INTS1: variants seen among roughly 807,000 people sequenced by gnomAD.
The protein encoded by INTS1 is integrator complex subunit 1.
INTS1 carries 137 observed loss-of-function variants against 241.6 expected under a neutral mutation model. That is an observed-to-expected ratio of 0.57 (90% CI 0.49 to 0.65). The LOEUF (loss-of-function observed/expected upper bound fraction) is 0.65. INTS1 is among the 30% of genes least tolerant of loss of function. INTS1 has a pLI of 0.00. For synonymous variants in INTS1, 1,692 were observed against 1,337.8 expected (o/e 1.26, Z -5.78); for missense variants, 3,073 against 3,032.2 (o/e 1.01, Z -0.32).
At chr7:1,474,386 A>G (rs1197313487) in intron 40 of INTS1, 26 bp from the exon 41 acceptor site, 2 of 1,555,324 alleles carry the variant, frequency 1.3e-6, no homozygotes, top group Non-Finnish European at 8.7e-7. Flanking sequence ...GGGCCCAGTC[A>G]GCCCCGGCCG....
intron 40 of INTS1, 25 bp downstream of exon 40, chr7:1,474,680 G>T: frequency 6.5e-7 from 1 of 1,548,940 alleles, no homozygotes; most frequent in Non-Finnish European, 8.7e-7. Context: ...AGTGTCTGGC[G>T]AGGGCAGGGC....
At position 1,484,099 on chromosome 7, in the gene INTS1, G is replaced by C; in HGVS notation, c.3333C>G (p.Ala1111=). ...SHLFSKLSPS[A]ASDAVLSALL... ...GAGCGCTCAGCACGGCGTCCGACGC[G>C]GCACTCGGGGAGAGCTTCGAGAAGA... Residue 1111 remains alanine, a synonymous_variant, in exon 25 of 48, where the codon GCC becomes GCG. Coordinates refer to ENST00000404767, the MANE Select transcript of INTS1 (RefSeq NM_001080453.3). 1 of 1,612,488 alleles carries C rather than the reference G, an allele frequency of 6.2e-7. No homozygotes were observed. The highest frequency in any genetic ancestry group is 8.5e-7 in the Non-Finnish European group (1 of 1,179,768).
At chr7:1,475,871 T>G in intron 39 of INTS1, 77 bp downstream of exon 39, 1 of 1,491,776 alleles carries the variant, frequency 6.7e-7, no homozygotes, top group South Asian at 1.2e-5. Context: ...CCATGTACAC[T>G]GTGGCCTCCG....
intron 26 of INTS1, chr7:1,483,388 G>C (rs1381609203): frequency 1.3e-5 from 5 of 377,038 alleles, no homozygotes; most frequent in African/African-American, 1.0e-4. Flanking sequence ...GCCTCATGTC[G>C]CACCTCCACA....
chr7:1,477,472 C>T (rs1781776789), intron 35 of INTS1, 78 bp downstream of exon 35: 1 of 1,438,378 alleles, frequency 7.0e-7, no homozygotes, highest in Admixed American at 2.9e-5. Context: ...CTCGCCCAGG[C>T]CAAGGCTGCT....
intron 11 of INTS1, among the ~76,000 whole-genome samples, chr7:1,496,604 G>A (rs1782872235): frequency 6.6e-6 from 1 of 152,140 alleles, no homozygotes. Context: ...TGGGAGAGGG[G>A]CCTGACAGGA....
intron 14 of INTS1, 165 bp downstream of exon 14, chr7:1,494,651 G>A (rs1488262970): frequency 3.2e-5 from 22 of 693,686 alleles, no homozygotes; most frequent in Non-Finnish European, 5.0e-5. Flanking sequence ...CAGCATGGGA[G>A]TGGGAGAAGG....
chr7:1,502,881 G>T lies in INTS1; in HGVS notation c.349+20C>A, dbSNP rs200462447. ...CATGAGCTGAGGGGTGTTCTCGGGG[G>T]ATGTCCACAGACTCATTACCTTCAA... On this transcript the variant is annotated intron_variant, in intron 3 of 47. Transcript: ENST00000404767. 1.9e-6 allele frequency: 3 copies of T among 1,612,974 alleles called. No individual in the cohort carries two copies. The highest frequency in any genetic ancestry group is 2.5e-6 in the Non-Finnish European group (3 of 1,179,354).
chr7:1,479,790 T>C (rs1781908037), intron 30 of INTS1, 106 bp from the exon 31 acceptor site: 1 of 1,235,318 alleles, frequency 8.1e-7, no homozygotes, highest in Non-Finnish European at 1.1e-6. Flanking sequence ...CCGCGTCCCA[T>C]CGTGTCCCTG....
intron 19 of INTS1, 49 bp from the exon 20 acceptor site, chr7:1,487,498 C>A: frequency 3.2e-6 from 5 of 1,578,332 alleles, no homozygotes; most frequent in Non-Finnish European, 4.3e-6. Flanking sequence ...GAGCGGATCA[C>A]CCCCAGAACC....
chr7:1,476,640 G>A lies in INTS1; in HGVS notation c.5081C>T (p.Ser1694Phe), dbSNP rs765862404. 4.3e-6 allele frequency: 7 copies of A among 1,612,684 alleles called. No individual in the cohort carries two copies. The highest frequency in any genetic ancestry group is 5.9e-6 in the Non-Finnish European group (7 of 1,179,874). ...SREQRFDPSA[S>F]LDFLWACIHV... is the part of the protein sequence containing the mutation. ...GATGCAGGCCCAGAGGAAGTCCAGAGAGGCAGAGGGGTCGAACCTGTGGGG... is the reference window on the plus strand; with the variant it reads ...GATGCAGGCCCAGAGGAAGTCCAGAAAGGCAGAGGGGTCGAACCTGTGGGG... The change falls in exon 37 of 48, where the codon TCT becomes TTT. Residue 1694 changes from serine to phenylalanine, a missense_variant. Ser to Phe is a radical substitution (Grantham distance 155). Transcript: ENST00000404767.
Position 1,487,117 on chromosome 7 carries a change from T to G in INTS1, c.2647-16A>C, listed in dbSNP as rs1426769005. The stretch of plus-strand genomic sequence containing the variant: ...GCGAGGAGGCCTGGGCAGGCGACAG[T>G]GGCGCCCGCTCAGCACCTTCCAGGC... On this transcript the variant is annotated splice_polypyrimidine_tract_variant and intron_variant, in intron 20 of 47. Transcript: ENST00000404767. The G allele has an allele frequency of 1.9e-6, 3 of 1,540,336 alleles. No homozygotes were observed. Among genetic ancestry groups the G allele is most frequent in the Admixed American group, 2.0e-5 (1 of 51,010 alleles).
intron 11 of INTS1, among the ~76,000 whole-genome samples, chr7:1,496,710 C>T (rs1027199815): frequency 1.3e-5 from 2 of 152,152 alleles, no homozygotes; most frequent in South Asian, 4.1e-4. Context: ...GCAAAACAGG[C>T]CACCCCGGCA....
In INTS1 at chr7:1,496,247, G is replaced by C. The variant is rs1199215502; in HGVS notation, c.1620C>G (p.His540Gln). 1.9e-6 allele frequency: 3 copies of C among 1,613,606 alleles called. No homozygotes were observed. The highest frequency in any genetic ancestry group is 2.5e-6 in the Non-Finnish European group (3 of 1,179,796). The change falls in exon 12 of 48, where the codon CAC becomes CAG. Residue 540 changes from histidine to glutamine, a missense_variant. His to Gln is a conservative substitution (Grantham distance 24). Transcript: ENST00000404767. ...EMEFKERFVV[H>Q]ITDVLAVSMM... is the part of the protein sequence containing the mutation. ...TGGACACGGCCAGGACGTCGGTGAT[G>C]TGCACCACGAAGCGCTCCTGCAGGT...
At chr7:1,498,212 G>A (rs1458002584) in intron 10 of INTS1, 200 bp downstream of exon 10, 3 of 744,496 alleles carry the variant, frequency 4.0e-6, no homozygotes, top group African/African-American at 1.8e-5. Flanking sequence ...TGAGAAAGAC[G>A]CTGGGCGCTG....
Position 1,472,347 on chromosome 7 carries a change from G to GA in INTS1, c.6109dup (p.Ser2037PhefsTer33). On this transcript the variant is annotated frameshift_variant, in exon 44 of 48. Transcript: ENST00000404767. LOFTEE classifies it high-confidence loss of function. ...GGCCGCGGTCAGAGGGGTGAACAGG[G>GA]AGACGCTGACCAGGGGCAAGGAGCC... 6.4e-7 allele frequency: 1 copy of GA among 1,573,660 alleles called. No individual in the cohort carries two copies. The highest frequency in any genetic ancestry group is 8.6e-7 in the Non-Finnish European group (1 of 1,160,250).
intron 33 of INTS1, 47 bp from the exon 34 acceptor site, chr7:1,477,983 G>T: frequency 6.4e-7 from 1 of 1,557,866 alleles, no homozygotes; most frequent in Non-Finnish European, 8.8e-7. Context: ...AGGTCGGGTG[G>T]GGGCCGCTGA....
chr7:1,502,379 G>A (rs977588488), intron 3 of INTS1, among the ~76,000 whole-genome samples: 5 of 152,150 alleles, frequency 3.3e-5, no homozygotes, highest in African/African-American at 7.2e-5. Context: ...GCATTTCTGC[G>A]AGAACGGGAC....
intron 11 of INTS1, among the ~76,000 whole-genome samples, chr7:1,496,864 C>T (rs1456914295): frequency 2.0e-5 from 3 of 152,170 alleles, no homozygotes; most frequent in East Asian, 1.9e-4. Flanking sequence ...TCCCTGCTCC[C>T]GTGCTCCCCT....
Sources: allele counts gnomAD v4.1 joint callset (sites outside exome capture counted in the v4.1 genomes callset), GRCh38; gene constraint gnomAD v4.1.1; transcripts MANE v1.5; gene names NCBI Gene and HGNC (gene_info 2026-07-23, HGNC 2026-07-21).